The following CACNB4 variants were observed in gnomAD, a reference collection of about 807,000 sequenced individuals.
CACNB4 encodes the protein voltage-dependent L-type calcium channel subunit beta-4.
Under a neutral mutation model 71.2 loss-of-function variants are expected in CACNB4, and 32 were observed. The observed-to-expected ratio is 0.45, with a 90% CI of 0.34 to 0.60. The LOEUF (loss-of-function observed/expected upper bound fraction) is 0.60. Ranked by LOEUF, CACNB4 falls within the 20% of genes least tolerant of loss-of-function variation. The probability of loss-of-function intolerance (pLI) is 0.01; values close to 1 mark genes in which losing one functional copy is unlikely to be tolerated. For missense variants in CACNB4, 464 were observed against 647.9 expected, an observed-to-expected ratio of 0.72 and a Z score of 3.08; for synonymous variants, 231 against 236.9, an observed-to-expected ratio of 0.97 and a Z score of 0.23.
intron 2 of CACNB4, among the ~76,000 whole-genome samples, chr2:151,885,977 C>T (rs1281063035): frequency 6.6e-6 from 1 of 152,048 alleles, no homozygotes; most frequent in Non-Finnish European, 1.5e-5. Flanking sequence ...AATTTTTATT[C>T]ATTTTTTCTT....
intron 2 of CACNB4, among the ~76,000 whole-genome samples, chr2:151,944,499 T>C (rs957852963): frequency 6.6e-6 from 1 of 152,008 alleles, no homozygotes; most frequent in Non-Finnish European, 1.5e-5. Flanking sequence ...ATGATAAAAG[T>C]TACAACTGAA....
chr2:151,995,114 T>G (rs968820926), intron 2 of CACNB4, among the ~76,000 whole-genome samples: 3 of 152,206 alleles, frequency 2.0e-5, no homozygotes, highest in African/African-American at 7.2e-5. Flanking sequence ...ACTGGCCTAC[T>G]CAGTTGGCAA....
intron 5 of CACNB4, chr2:151,873,706 G>A (rs770710264): frequency 2.0e-5 from 3 of 151,960 alleles, no homozygotes; most frequent in Non-Finnish European, 4.4e-5. Context: ...GTTCCAGTAA[G>A]AAAAAACAGC....
At chr2:151,922,741 CA>C (rs1055812125) in intron 2 of CACNB4, among the ~76,000 whole-genome samples, 1 of 152,206 alleles carries the variant, frequency 6.6e-6, no homozygotes, top group African/African-American at 2.4e-5. Flanking sequence ...TTTACCAAGA[CA>C]GTTGCAGTTT....
chr2:151,964,084 A>G (rs2099870399), intron 2 of CACNB4, among the ~76,000 whole-genome samples: 1 of 151,406 alleles, frequency 6.6e-6, no homozygotes, highest in Non-Finnish European at 1.5e-5. Flanking sequence ...AAAAAAAAAA[A>G]AAAAAAGAAT....
intron 2 of CACNB4, among the ~76,000 whole-genome samples, chr2:152,013,370 A>G (rs1028889312): frequency 2.0e-5 from 3 of 152,202 alleles, no homozygotes; most frequent in African/African-American, 7.2e-5. Flanking sequence ...CCAAACATAC[A>G]GAAGTCTTTG....
intron 2 of CACNB4, among the ~76,000 whole-genome samples, chr2:152,010,819 G>A (rs1006618065): frequency 6.6e-6 from 1 of 152,170 alleles, no homozygotes; most frequent in African/African-American, 2.4e-5. Context: ...TCCCAGCCCA[G>A]CACTGTATAG....
At chr2:152,071,756 C>T (rs143146687) in intron 2 of CACNB4, among the ~76,000 whole-genome samples, 436 of 152,232 alleles carry the variant, frequency 2.9e-3, no homozygotes, top group Non-Finnish European at 5.2e-3. Flanking sequence ...ATCTTTAGTA[C>T]CTTATAATAT....
chr2:151,969,794 G>C (rs2099872044), intron 2 of CACNB4: 1 of 152,168 alleles, frequency 6.6e-6, no homozygotes, highest in African/African-American at 2.4e-5. Flanking sequence ...TATACACTCA[G>C]ATATTGTTAT....
chr2:151,899,485 C>G (rs1214032398), intron 2 of CACNB4, among the ~76,000 whole-genome samples: 1 of 152,220 alleles, frequency 6.6e-6, no homozygotes, highest in African/African-American at 2.4e-5. Context: ...ACTCAACATT[C>G]TTGCAGAATC....
At chr2:151,849,298 T>C (rs2099838426) in intron 12 of CACNB4, among the ~76,000 whole-genome samples, 1 of 152,218 alleles carries the variant, frequency 6.6e-6, no homozygotes. Flanking sequence ...TGTCTCACTC[T>C]GTCGGGTAGA....
At chr2:152,013,136 G>A (rs754951395) in intron 2 of CACNB4, among the ~76,000 whole-genome samples, 4 of 152,202 alleles carry the variant, frequency 2.6e-5, no homozygotes, top group Non-Finnish European at 5.9e-5. Context: ...TAGCCTAAGT[G>A]TGTGGTAGGC....
Position 152,044,795 on chromosome 2 carries a change from C to T in CACNB4, c.147+53535G>A, listed in dbSNP as rs369891475. Among the ~76,000 whole-genome samples the T allele has an allele frequency of 3.9e-5, 6 of 152,328 alleles. No individual in the cohort carries two copies. In the South Asian group the frequency reaches 1.2e-3, roughly 32 times the overall value. Reference sequence around the variant, plus strand: ...CCACCATGGCAGGTCCACAGCCTGACTCACTCAACTGCTACCGTGGGTCTC... The same window carrying T: ...CCACCATGGCAGGTCCACAGCCTGATTCACTCAACTGCTACCGTGGGTCTC... On this transcript the variant is annotated intron_variant, in intron 2 of 13. Transcript: ENST00000539935.
At chr2:151,889,531 A>G (rs143586656) in intron 2 of CACNB4, among the ~76,000 whole-genome samples, 1 of 151,650 alleles carries the variant, frequency 6.6e-6, no homozygotes, top group East Asian at 1.9e-4. Flanking sequence ...TCAGAGAAAT[A>G]TATCACTCCC....
At chr2:151,881,778 C>T (rs1204336923) in intron 3 of CACNB4, among the ~76,000 whole-genome samples, 1 of 152,114 alleles carries the variant, frequency 6.6e-6, no homozygotes, top group Non-Finnish European at 1.5e-5. Context: ...TGTCCCTTCA[C>T]ATGTACTGCA....
intron 2 of CACNB4, among the ~76,000 whole-genome samples, chr2:151,940,730 T>C (rs2099864017): frequency 6.6e-6 from 1 of 152,210 alleles, no homozygotes; most frequent in Non-Finnish European, 1.5e-5. Context: ...GGTTATGTGA[T>C]ATTAACTGTC....
At chr2:151,894,501 G>A (rs544801644) in intron 2 of CACNB4, among the ~76,000 whole-genome samples, 2 of 152,186 alleles carry the variant, frequency 1.3e-5, no homozygotes, top group African/African-American at 4.8e-5. Context: ...TCTAAGAACT[G>A]GAACAAAGAT....
In CACNB4 at chr2:151,876,454, C is replaced by T. The variant is rs1319704904; in HGVS notation, c.493G>A (p.Glu165Lys). ...LRLENIRIQQEQKRGRFHGGK... is the reference protein window; with the variant it reads ...LRLENIRIQQKQKRGRFHGGK... ...CCGTGAAAACGTCCTCTTTTTTGTT[C>T]TTGCTGGATCCGTATGTTCTCCAAT... is the stretch of plus-strand genomic sequence containing the variant. The change falls in exon 5 of 14, where the codon GAA (glutamate) becomes AAA (lysine). Residue 165 changes from glutamate (E) to lysine (K), a missense_variant. By Grantham distance (56) the Glu-to-Lys change is moderately conservative. Transcript: ENST00000539935. The T allele has an allele frequency of 1.2e-6, 2 of 1,600,148 alleles. No individual in the cohort carries two copies. Among genetic ancestry groups the T allele is most frequent in the Non-Finnish European group, 1.7e-6 (2 of 1,171,302 alleles).
intron 12 of CACNB4, chr2:151,853,235 A>C: frequency 4.2e-6 from 2 of 474,012 alleles, no homozygotes; most frequent in Non-Finnish European, 7.4e-6. Context: ...CCCGGACACT[A>C]AGTTCATTTC....
Sources: gnomAD v4.1 joint callset for allele counts (sites outside exome capture counted in the v4.1 genomes callset) on GRCh38, gnomAD v4.1.1 for gene constraint, MANE v1.5 for transcripts, NCBI Gene and HGNC (gene_info 2026-07-23, HGNC 2026-07-21) for gene names.